Variants in APBB1 observed in about 807,000 individuals in gnomAD.
The protein encoded by APBB1 is amyloid beta precursor protein binding family B member 1.
APBB1 carries 22 observed loss-of-function variants against 78.4 expected under a neutral mutation model. That is an observed-to-expected ratio of 0.28 (90% CI 0.20 to 0.40). APBB1 has a LOEUF of 0.40. APBB1 is among the 10% of genes least tolerant of loss of function. The pLI is 1.00. For synonymous variants in APBB1, 369 were observed against 372.7 expected, an observed-to-expected ratio of 0.99 and a Z score of 0.12; for missense variants, 749 against 932.4, an observed-to-expected ratio of 0.80 and a Z score of 2.56.
At chr11:6,405,791 C>T (rs1397754308) in intron 2 of APBB1, 2 of 583,158 alleles carry the variant, frequency 3.4e-6, no homozygotes, top group Non-Finnish European at 4.3e-6. Context: ...TCAATAGGCA[C>T]CTGAAACTTA....
chr11:6,415,048 A>T (rs1011461272), intron 1 of APBB1, among the ~76,000 whole-genome samples: 1 of 152,226 alleles, frequency 6.6e-6, no homozygotes, highest in East Asian at 1.9e-4. Context: ...TAAGTGCTGA[A>T]GCCTGAGCAT....
rs574589852 is a variant in APBB1, at chr11:6,418,169, A to T, written c.-15+816T>A. On this transcript the variant is annotated intron_variant, in intron 1 of 14. Coordinates refer to ENST00000609360, the MANE Select transcript of APBB1 (RefSeq NM_001164.5). Reference sequence around the variant, plus strand: ...GCAAATGAGATTGAGAAGAGCAGACAATGCTGTAGGGCAGAAAGCAGGAAA... The same window carrying T: ...GCAAATGAGATTGAGAAGAGCAGACTATGCTGTAGGGCAGAAAGCAGGAAA... Among the ~76,000 whole-genome samples the T allele has an allele frequency of 2.6e-5, 4 of 152,356 alleles. No individual in the cohort carries two copies. In the South Asian group the frequency reaches 8.3e-4, roughly 32 times the overall value.
chr11:6,403,065 C>G lies in APBB1; in HGVS notation c.1104+80G>C. The G allele has an allele frequency of 7.5e-7, 1 of 1,335,922 alleles. No homozygotes were observed. The highest frequency in any genetic ancestry group is 1.0e-6 in the Non-Finnish European group (1 of 963,926). 82.8% of individuals were successfully genotyped at this position (1,335,922 alleles called of 1,614,324 possible). A position where few individuals can be genotyped will look rare whatever the true frequency, so the allele number is the denominator to read the frequency against. Reference sequence around the variant, plus strand: ...CAGGACCTGGGGAACTGCGCTGAGACCCCTCAGAGCACAACATTAGGGGCT... The same window carrying G: ...CAGGACCTGGGGAACTGCGCTGAGAGCCCTCAGAGCACAACATTAGGGGCT... On this transcript the variant is annotated intron_variant, in intron 6 of 14. Transcript: ENST00000609360. The surrounding 1 kb of genome is among the most constrained non-coding windows in gnomAD (Gnocchi z 5.3).
intron 2 of APBB1, among the ~76,000 whole-genome samples, chr11:6,406,788 C>G (rs1220118804): frequency 6.6e-6 from 1 of 152,148 alleles, no homozygotes; most frequent in African/African-American, 2.4e-5. Flanking sequence ...ACCCATTGCC[C>G]TCTCCCCCAC....
intron 1 of APBB1, among the ~76,000 whole-genome samples, chr11:6,412,248 G>A (rs1182349080): frequency 6.6e-6 from 1 of 152,178 alleles, no homozygotes; most frequent in African/African-American, 2.4e-5. Flanking sequence ...TGCCTCTCGG[G>A]TTCAAGTGAT....
Position 6,395,729 on chromosome 11 carries a change from C to T in APBB1, c.1966-28G>A, listed in dbSNP as rs1800606. Reference sequence around the variant, plus strand: ...GCGGAGGCAAGCAGGGCAGTCACTCCCCAGCCTACCTCCCATGGGGCCACG... The same window carrying T: ...GCGGAGGCAAGCAGGGCAGTCACTCTCCAGCCTACCTCCCATGGGGCCACG... On this transcript the variant is annotated intron_variant, in intron 14 of 14. Coordinates refer to ENST00000609360, the MANE Select transcript of APBB1 (RefSeq NM_001164.5). This position sits in a 1 kb window ranked among gnomAD's most constrained non-coding sequence, Gnocchi z 5.2. 0.86 allele frequency: 1,371,039 copies of T among 1,597,460 alleles called. 589,899 individuals are homozygous for T. The highest frequency in any genetic ancestry group is 1 in the East Asian group (44,442 of 44,640).
Position 6,401,439 on chromosome 11 carries a change from G to A in APBB1, c.1504-10C>T, listed in dbSNP as rs368177347. On this transcript the variant is annotated splice_polypyrimidine_tract_variant and intron_variant, in intron 10 of 14. Coordinates refer to ENST00000609360, the MANE Select transcript of APBB1 (RefSeq NM_001164.5). This position sits in a 1 kb window ranked among gnomAD's most constrained non-coding sequence, Gnocchi z 4.5. ...GCCGTTCGGCCATGATCTGAGGAAG[G>A]AAGGGAGGCGAGGAGCCAGGGAGAA... is the stretch of plus-strand genomic sequence containing the variant. 2.5e-4 allele frequency: 401 copies of A among 1,613,218 alleles called. No homozygotes were observed. Among genetic ancestry groups the A allele is most frequent in the Middle Eastern group, 3.3e-4 (2 of 6,080 alleles).
rs1364506878 is a variant in APBB1 at position 6,403,124 on chromosome 11, G to C, written c.1104+21C>G. On this transcript the variant is annotated intron_variant, in intron 6 of 14. Coordinates refer to ENST00000609360, the MANE Select transcript of APBB1 (RefSeq NM_001164.5). The surrounding 1 kb of genome is among the most constrained non-coding windows in gnomAD (Gnocchi z 5.3). ...AATAAGAGGGCCCCAGACTCAGAAT[G>C]GGTGTCAGTCTTGAACAAACCTTGA... 19 of 1,595,902 alleles carry C rather than the reference G, an allele frequency of 1.2e-5. No individual in the cohort carries two copies. The highest frequency in any genetic ancestry group is 1.5e-5 in the Non-Finnish European group (18 of 1,171,852).
At chr11:6,405,161 G>GGGAT in intron 2 of APBB1, 2 of 1,191,508 alleles carry the variant, frequency 1.7e-6, no homozygotes, top group Non-Finnish European at 2.1e-6. Context: ...CCCAGTCTTA[G>GGGAT]GGATACCAGG....
intron 1 of APBB1, among the ~76,000 whole-genome samples, chr11:6,415,900 G>A (rs898899360): frequency 6.6e-6 from 1 of 151,864 alleles, no homozygotes; most frequent in Non-Finnish European, 1.5e-5. Context: ...TTGACCTGAC[G>A]CTCCTCCAGA....
chr11:6,396,232 C>T lies in APBB1; in HGVS notation c.1673-17G>A. Reference sequence around the variant, plus strand: ...CATCTACCCCTAGAACATATGGACACAAGATACCACTGAGGGTAGACAGAG... The same window carrying T: ...CATCTACCCCTAGAACATATGGACATAAGATACCACTGAGGGTAGACAGAG... On this transcript the variant is annotated splice_polypyrimidine_tract_variant and intron_variant, in intron 12 of 14. Coordinates refer to ENST00000609360, the MANE Select transcript of APBB1 (RefSeq NM_001164.5). 1 of 1,544,594 alleles carries T rather than the reference C, an allele frequency of 6.5e-7. No homozygotes were observed. The highest frequency in any genetic ancestry group is 8.8e-7 in the Non-Finnish European group (1 of 1,141,426).
rs190936383 is a variant in APBB1, at chr11:6,409,784, C to T, written c.721+843G>A. 4.3e-4 allele frequency among the ~76,000 whole-genome samples: 63 copies of T among 146,460 alleles called. 2 individuals carry two copies. Among genetic ancestry groups the T allele is most frequent in the African/African-American group, 1.8e-3 (63 of 35,976 alleles). ...CTCAGCTTTTCCTGTATTCGCTACA[C>T]GACATTAGAAAATGTGGAGACTCAG... On this transcript the variant is annotated intron_variant, in intron 2 of 14. Coordinates refer to ENST00000609360, the MANE Select transcript of APBB1 (RefSeq NM_001164.5).
At chr11:6,407,534 T>C (rs1848843026) in intron 2 of APBB1, among the ~76,000 whole-genome samples, 1 of 152,230 alleles carries the variant, frequency 6.6e-6, no homozygotes, top group Non-Finnish European at 1.5e-5. Context: ...CAGTGCTTTT[T>C]AAAAAATAGA....
upstream of APBB1, chr11:6,419,324 C>T: frequency 4.0e-6 from 1 of 250,058 alleles, no homozygotes. Flanking sequence ...CGCCGTCCTC[C>T]ACTACTATTC....
chr11:6,417,235 T>C lies in APBB1; in HGVS notation c.-15+1750A>G, dbSNP rs917959145. 5.9e-5 allele frequency among the ~76,000 whole-genome samples: 9 copies of C among 152,340 alleles called. No individual in the cohort carries two copies. In the South Asian group the frequency reaches 8.3e-4, roughly 14 times the overall value. On this transcript the variant is annotated intron_variant, in intron 1 of 14. Coordinates refer to ENST00000609360, the MANE Select transcript of APBB1 (RefSeq NM_001164.5). The stretch of plus-strand genomic sequence containing the variant: ...CCATGCTTCCTGGGACCTCTTCTCC[T>C]ACTCTCTAAGCTGAATTAACTTCTA...
chr11:6,412,342 G>A (rs191415590), intron 1 of APBB1, among the ~76,000 whole-genome samples: 7 of 152,072 alleles, frequency 4.6e-5, no homozygotes, highest in Admixed American at 1.3e-4. Context: ...TAGTAGAGAC[G>A]GGGCTTCACC....
intron 2 of APBB1, chr11:6,405,751 C>T: frequency 1.1e-6 from 1 of 886,070 alleles, no homozygotes; most frequent in South Asian, 5.2e-5. Context: ...CCCCACTTCC[C>T]CCTAACTCAC....
Position 6,410,933 on chromosome 11 carries a change from T to C in APBB1, c.415A>G (p.Ile139Val). The C allele has an allele frequency of 6.2e-7, 1 of 1,614,232 alleles. No individual in the cohort carries two copies. The highest frequency in any genetic ancestry group is 1.1e-5 in the South Asian group (1 of 91,092). ...TCTGGCCCCTGCTCTTGAGTGCTGA[T>C]GATCAGGCCAGGTCCTCGTAGGCCT... ...NRGLRGPGLI[I>V]STQEQGPDEG... Residue 139 changes from isoleucine (I) to valine (V), a missense_variant, in exon 2 of 15, where the codon ATC (isoleucine) becomes GTC (valine). By Grantham distance (29) the Ile-to-Val change is conservative (BLOSUM62 3). This residue lies in a region of APBB1 where 635 missense variants were observed against 765.0 expected (regional missense o/e 0.83). Transcript: ENST00000609360.
At chr11:6,402,425 G>T in intron 7 of APBB1, 151 bp downstream of exon 7, 1 of 1,099,722 alleles carries the variant, frequency 9.1e-7, no homozygotes, top group Non-Finnish European at 1.3e-6. Flanking sequence ...TCCTGGCCTG[G>T]GGTCGCTCAT....
Sources: allele counts gnomAD v4.1 joint callset (sites outside exome capture counted in the v4.1 genomes callset), GRCh38; gene constraint gnomAD v4.1.1; regional missense constraint gnomAD v4.1.1; non-coding constraint Gnocchi (gnomAD v3.1); transcripts MANE v1.5; gene names NCBI Gene and HGNC (gene_info 2026-07-23, HGNC 2026-07-21).